PELI1: variants seen among roughly 807,000 people sequenced by gnomAD.
PELI1 encodes pellino E3 ubiquitin protein ligase 1, also known as E3 ubiquitin-protein ligase pellino homolog 1.
PELI1 carries 15 observed loss-of-function variants against 41.3 expected under a neutral mutation model. The ratio of observed to expected loss-of-function variants is 0.36; its 90% CI spans 0.24 to 0.56. The LOEUF is 0.56. Among genes scored for constraint, PELI1 ranks in the 20% least tolerant of loss-of-function variants. PELI1 has a pLI of 0.82. For missense variants in PELI1, 403 were observed against 525.5 expected (o/e 0.77, Z 2.28); for synonymous variants, 178 against 180.1 (o/e 0.99, Z 0.09).
chr2:64,117,084 A>C (rs928325330), intron 1 of PELI1, among the ~76,000 whole-genome samples: 4 of 151,852 alleles, frequency 2.6e-5, no homozygotes, highest in Admixed American at 1.3e-4. Flanking sequence ...ATCTCTGCTC[A>C]CTCTCCTTAA....
rs1442045671 is a variant in PELI1, at chr2:64,094,578, T to TA, written c.*123dup. 3.4e-6 allele frequency: 2 copies of TA among 589,496 alleles called. No individual in the cohort carries two copies. The highest frequency in any genetic ancestry group is 5.8e-6 in the Non-Finnish European group (2 of 344,492). 36.5% of individuals were successfully genotyped at this position (589,496 alleles called of 1,614,324 possible). On this transcript the variant is annotated 3_prime_UTR_variant, in exon 7 of 7. Coordinates refer to ENST00000358912, the MANE Select transcript of PELI1 (RefSeq NM_020651.4). ...TTGCTACTATTTATTATAAATGTTT[T>TA]AAAAAATTCTTCATCTTAATGCAAA...
intron 1 of PELI1, among the ~76,000 whole-genome samples, chr2:64,136,373 C>A (rs2103743734): frequency 6.6e-6 from 1 of 152,248 alleles, no homozygotes; most frequent in South Asian, 2.1e-4. Context: ...GAGAGTCTGG[C>A]TATCTATACA....
Position 64,123,844 on chromosome 2 carries a change from T to C in PELI1, c.-69-15465A>G, listed in dbSNP as rs59580383. ...TGTCCACACACAGACTGTGCATTAA[T>C]GTTCACAGCAGCAATATTCATAATA... On this transcript the variant is annotated intron_variant, in intron 1 of 6. Transcript: ENST00000358912. Among the ~76,000 whole-genome samples, 266 of 152,326 alleles carry C rather than the reference T, an allele frequency of 1.7e-3. 7 individuals are homozygous for C. The East Asian group carries it at 0.049, about 28-fold the overall frequency.
intron 1 of PELI1, among the ~76,000 whole-genome samples, chr2:64,116,865 T>C (rs986410210): frequency 6.6e-6 from 1 of 152,240 alleles, no homozygotes; most frequent in Non-Finnish European, 1.5e-5. Flanking sequence ...GCTCACTTCA[T>C]GTCTGTGTCA....
intron 1 of PELI1, among the ~76,000 whole-genome samples, chr2:64,113,353 T>C (rs888006459): frequency 6.6e-6 from 1 of 151,910 alleles, no homozygotes; most frequent in Non-Finnish European, 1.5e-5. Context: ...TAAATGAGTA[T>C]GTACATAAAA....
chr2:64,134,541 G>T (rs1467445154), intron 1 of PELI1, among the ~76,000 whole-genome samples: 1 of 152,122 alleles, frequency 6.6e-6, no homozygotes. Context: ...AGAAGCAGCC[G>T]CTACTTTACA....
chr2:64,125,099 G>A (rs1012614541), intron 1 of PELI1, among the ~76,000 whole-genome samples: 5 of 150,602 alleles, frequency 3.3e-5, no homozygotes, highest in Non-Finnish European at 5.9e-5. Context: ...GGGCGGGGGC[G>A]CGGGGAGGGT....
intron 1 of PELI1, among the ~76,000 whole-genome samples, chr2:64,125,569 G>A (rs1681357576): frequency 6.6e-6 from 1 of 152,012 alleles, no homozygotes; most frequent in Non-Finnish European, 1.5e-5. Context: ...CAACAGATTT[G>A]GTATTTAATC....
At chr2:64,111,054 G>C (rs1299265732) in intron 1 of PELI1, among the ~76,000 whole-genome samples, 1 of 151,924 alleles carries the variant, frequency 6.6e-6, no homozygotes, top group East Asian at 1.9e-4. Flanking sequence ...AGTTTAATGG[G>C]ATCAAGTATT....
chr2:64,136,954 A>G (rs1473065159), intron 1 of PELI1, among the ~76,000 whole-genome samples: 2 of 152,214 alleles, frequency 1.3e-5, no homozygotes, highest in East Asian at 3.8e-4. Flanking sequence ...ATTGGACATA[A>G]ATAACAAGAA....
Position 64,094,279 on chromosome 2 carries a change from AATAAAG to A in PELI1, c.*417_*422del, listed in dbSNP as rs1426244453. 2 of 159,892 alleles carry A rather than the reference AATAAAG, an allele frequency of 1.3e-5. No homozygotes were observed. The highest frequency in any genetic ancestry group is 2.4e-5 in the African/African-American group (1 of 41,486). 9.9% of individuals were successfully genotyped at this position (159,892 alleles called of 1,614,324 possible). A position where few individuals can be genotyped will look rare whatever the true frequency, so the allele number is the denominator to read the frequency against. ...AAGAACATTCTAAGGTATTTTCTATAATAAAGATAAATAGAAAAAAGTTAATATACA... is the reference window on the plus strand; with the variant it reads ...AAGAACATTCTAAGGTATTTTCTATAATAAATAGAAAAAAGTTAATATACA... On this transcript the variant is annotated 3_prime_UTR_variant, in exon 7 of 7. Transcript: ENST00000358912.
intron 3 of PELI1, among the ~76,000 whole-genome samples, chr2:64,102,835 C>CTTT (rs1221467456): frequency 2.4e-4 from 32 of 133,186 alleles, no homozygotes; most frequent in African/African-American, 3.3e-4. Flanking sequence ...AGGAGTCAAT[C>CTTT]TTTTTTTTTT....
intron 1 of PELI1, among the ~76,000 whole-genome samples, chr2:64,117,640 T>C (rs183549881): frequency 2.0e-5 from 3 of 152,296 alleles, no homozygotes; most frequent in Admixed American, 2.0e-4. Flanking sequence ...TCCAATATTG[T>C]AGTAAAGTCG....
At chr2:64,126,695 T>C (rs1681398913) in intron 1 of PELI1, among the ~76,000 whole-genome samples, 1 of 151,952 alleles carries the variant, frequency 6.6e-6, no homozygotes, top group East Asian at 1.9e-4. Flanking sequence ...ATAAATACCG[T>C]AAGACTTCAA....
chr2:64,138,763 G>A (rs1681801712), intron 1 of PELI1, among the ~76,000 whole-genome samples: 1 of 151,914 alleles, frequency 6.6e-6, no homozygotes, highest in Admixed American at 6.6e-5. Flanking sequence ...GCAAAAAACT[G>A]CATCCTCCTC....
intron 3 of PELI1, among the ~76,000 whole-genome samples, chr2:64,100,927 A>T (rs1289778212): frequency 1.3e-5 from 2 of 151,928 alleles, no homozygotes; most frequent in Non-Finnish European, 2.9e-5. Context: ...ACGGCATTTC[A>T]CCATGTTGCC....
chr2:64,104,554 C>A, intron 3 of PELI1, 147 bp downstream of exon 3: 3 of 1,248,960 alleles, frequency 2.4e-6, no homozygotes, highest in East Asian at 2.7e-5. Context: ...CTTCAAATAC[C>A]ATGTCTCCAA....
intron 1 of PELI1, among the ~76,000 whole-genome samples, chr2:64,123,412 A>C (rs919991030): frequency 6.6e-6 from 1 of 152,212 alleles, no homozygotes; most frequent in African/African-American, 2.4e-5. Context: ...ATTATTTGCA[A>C]ATCATGTATC....
chr2:64,116,701 T>A (rs945948878), intron 1 of PELI1, among the ~76,000 whole-genome samples: 1 of 152,192 alleles, frequency 6.6e-6, no homozygotes, highest in African/African-American at 2.4e-5. Flanking sequence ...CTGAAACAAT[T>A]GAGTTTTAAA....
Sources: allele counts gnomAD v4.1 joint callset (sites outside exome capture counted in the v4.1 genomes callset), GRCh38; gene constraint gnomAD v4.1.1; transcripts MANE v1.5; gene names NCBI Gene and HGNC (gene_info 2026-07-23, HGNC 2026-07-21).